The following APBA2 variants were observed in gnomAD, a reference collection of about 807,000 sequenced individuals.
The protein encoded by APBA2 is amyloid beta precursor protein binding family A member 2.
Under a neutral mutation model 75.0 loss-of-function variants are expected in APBA2, and 30 were observed. That is an observed-to-expected ratio of 0.40 (90% CI 0.30 to 0.54). The LOEUF (loss-of-function observed/expected upper bound fraction) is 0.54, where lower values mean the gene tolerates loss of function less well. Among genes scored for constraint, APBA2 ranks in the 20% least tolerant of loss-of-function variants. The pLI is 0.49. For synonymous variants in APBA2, 444 were observed against 409.6 expected (o/e 1.08, Z -1.01); for missense variants, 801 against 1,016.1 (o/e 0.79, Z 2.88).
intron 2 of APBA2, among the ~76,000 whole-genome samples, chr15:28,933,797 G>A (rs1031365852): frequency 2.6e-5 from 4 of 152,228 alleles, no homozygotes; most frequent in African/African-American, 9.6e-5. Context: ...AGGGACTGAG[G>A]GTAGAATAAT....
At chr15:29,088,425 A>G (rs1262800485) in intron 6 of APBA2, among the ~76,000 whole-genome samples, 1 of 151,944 alleles carries the variant, frequency 6.6e-6, no homozygotes, top group African/African-American at 2.4e-5. Flanking sequence ...GGAATCCCCA[A>G]CCCAAGCTCA....
chr15:29,086,646 A>G (rs2043305507), intron 6 of APBA2, among the ~76,000 whole-genome samples: 1 of 152,210 alleles, frequency 6.6e-6, no homozygotes, highest in Admixed American at 6.5e-5. Context: ...ATGATTGTAG[A>G]TACAGATTAT....
intron 3 of APBA2, among the ~76,000 whole-genome samples, chr15:29,048,225 G>A (rs147136340): frequency 1.3e-5 from 2 of 152,294 alleles, no homozygotes; most frequent in African/African-American, 4.8e-5. Flanking sequence ...ACACATGCCT[G>A]TAATCCCAGC....
chr15:28,969,477 G>C (rs1440831420), intron 2 of APBA2, among the ~76,000 whole-genome samples: 1 of 152,102 alleles, frequency 6.6e-6, no homozygotes, highest in Non-Finnish European at 1.5e-5. Context: ...ACTGCACCGG[G>C]CCTTAACCTT....
At chr15:28,910,831 T>C (rs1299828039) in intron 1 of APBA2, among the ~76,000 whole-genome samples, 1 of 152,212 alleles carries the variant, frequency 6.6e-6, no homozygotes, top group Non-Finnish European at 1.5e-5. Flanking sequence ...ATAGTGTGTC[T>C]GCTTGACATA....
intron 5 of APBA2, among the ~76,000 whole-genome samples, chr15:29,075,698 C>T (rs112752374): frequency 0.02 from 2,984 of 152,294 alleles, 102 homozygotes; most frequent in African/African-American, 0.068. Flanking sequence ...CGATGGCCAC[C>T]GATGGAGTGG....
intron 4 of APBA2, among the ~76,000 whole-genome samples, chr15:29,058,676 G>C (rs151265152): frequency 6.6e-6 from 1 of 151,998 alleles, no homozygotes; most frequent in Non-Finnish European, 1.5e-5. Context: ...AGGTCTGCCC[G>C]GGGGCTGGGA....
intron 4 of APBA2, among the ~76,000 whole-genome samples, chr15:29,055,955 G>A (rs940408018): frequency 1.3e-5 from 2 of 152,126 alleles, no homozygotes; most frequent in Non-Finnish European, 2.9e-5. Flanking sequence ...CACCCCTAAG[G>A]CCAGGAGGCT....
chr15:29,040,428 T>C (rs2040975236), intron 3 of APBA2, among the ~76,000 whole-genome samples: 1 of 152,052 alleles, frequency 6.6e-6, no homozygotes, highest in Non-Finnish European at 1.5e-5. Context: ...GAAAAGAGGG[T>C]TTATTTATGT....
intron 4 of APBA2, among the ~76,000 whole-genome samples, chr15:29,057,252 C>T (rs2041940946): frequency 6.6e-6 from 1 of 152,230 alleles, no homozygotes; most frequent in Non-Finnish European, 1.5e-5. Flanking sequence ...CCCGCCCCCA[C>T]ATTGCTGAAT....
chr15:29,091,963 A>G (rs1280394497), intron 6 of APBA2, among the ~76,000 whole-genome samples: 1 of 152,144 alleles, frequency 6.6e-6, no homozygotes, highest in Non-Finnish European at 1.5e-5. Flanking sequence ...TCTGGCCAGG[A>G]GGTGGGCAGT....
At chr15:28,956,428 C>G (rs2036172048) in intron 2 of APBA2, among the ~76,000 whole-genome samples, 1 of 152,120 alleles carries the variant, frequency 6.6e-6, no homozygotes, top group Non-Finnish European at 1.5e-5. Context: ...TAGCCAGTGT[C>G]AGAATGGAGC....
intron 2 of APBA2, among the ~76,000 whole-genome samples, chr15:28,967,165 C>T (rs1002235388): frequency 6.6e-6 from 1 of 152,104 alleles, no homozygotes; most frequent in African/African-American, 2.4e-5. Flanking sequence ...ATTTCTCCTT[C>T]ATTTCTTTTT....
chr15:28,949,587 G>A (rs1209673302), intron 2 of APBA2, among the ~76,000 whole-genome samples: 3 of 152,110 alleles, frequency 2.0e-5, no homozygotes, highest in Non-Finnish European at 2.9e-5. Context: ...TCCCACCTCA[G>A]CCTCCCAATT....
In APBA2 at chr15:29,105,438, G is replaced by T. The variant is rs1441237465; in HGVS notation, c.1584G>T (p.Leu528=). The change falls in exon 11 of 15, where the codon CTG becomes CTT. Residue 528 remains leucine (L), a synonymous_variant. Coordinates refer to ENST00000683413, the MANE Select transcript of APBA2 (RefSeq NM_001353788.2). ...QAFSVAYQEF[L]RANGINPEDL... Reference sequence around the variant, plus strand: ...TCAGCGTGGCCTACCAGGAGTTCCTGCGAGCCAATGGCATCAACCCCGAAG... The same window carrying T: ...TCAGCGTGGCCTACCAGGAGTTCCTTCGAGCCAATGGCATCAACCCCGAAG... 1 of 1,613,608 alleles carries T rather than the reference G, an allele frequency of 6.2e-7. No individual in the cohort carries two copies.
At chr15:29,074,771 GTAT>G in intron 4 of APBA2, 147 bp from the exon 5 acceptor site, 1 of 666,036 alleles carries the variant, frequency 1.5e-6, no homozygotes, top group Non-Finnish European at 2.7e-6. Flanking sequence ...AGCAGTTTAA[GTAT>G]AATTAAATAG....
intron 3 of APBA2, among the ~76,000 whole-genome samples, chr15:29,047,993 C>A (rs2041419949): frequency 6.6e-6 from 1 of 152,042 alleles, no homozygotes; most frequent in African/African-American, 2.4e-5. Flanking sequence ...TTTAAGACTT[C>A]AATAAATAGG....
rs2041449993 is a variant in APBA2, at chr15:29,048,549, CATA to C, written c.-40-5290_-40-5288del. Among the ~76,000 whole-genome samples the C allele has an allele frequency of 2.0e-5, 3 of 152,072 alleles. No homozygotes were observed. In the South Asian group the frequency reaches 6.2e-4, roughly 32 times the overall value. Reference sequence around the variant, plus strand: ...GTCGTATTAAAATATGCTCTAAATTCATAATAATGAAAATGGCATGGTACTGTT... The same window carrying C: ...GTCGTATTAAAATATGCTCTAAATTCATAATGAAAATGGCATGGTACTGTT... On this transcript the variant is annotated intron_variant, in intron 3 of 14. Coordinates refer to ENST00000683413, the MANE Select transcript of APBA2 (RefSeq NM_001353788.2).
rs867625324 is a variant in APBA2, at chr15:28,920,236, A to G, written c.-204-1404A>G. ...TGCACCAGCTGGGTTTTGAAGAATG[A>G]ATAGGAGTTTGCCAGGAAGATTCTA... On this transcript the variant is annotated intron_variant, in intron 1 of 14. Coordinates refer to ENST00000683413, the MANE Select transcript of APBA2 (RefSeq NM_001353788.2). Among the ~76,000 whole-genome samples the G allele has an allele frequency of 5.3e-5, 8 of 152,340 alleles. 1 individual carries two copies. Among genetic ancestry groups the G allele is most frequent in the Middle Eastern group, 6.8e-3 (2 of 294 alleles).
Sources: allele counts gnomAD v4.1 joint callset (sites outside exome capture counted in the v4.1 genomes callset), GRCh38; gene constraint gnomAD v4.1.1; transcripts MANE v1.5; gene names NCBI Gene and HGNC (gene_info 2026-07-23, HGNC 2026-07-21).